The following ITGA9 variants were observed in gnomAD, a reference collection of about 807,000 sequenced individuals.
ITGA9 encodes the protein integrin subunit alpha 9, also known as integrin alpha-9.
ITGA9 carries 56 observed loss-of-function variants against 127.8 expected under a neutral mutation model. That is an observed-to-expected ratio of 0.44 (90% CI 0.35 to 0.55). The LOEUF (loss-of-function observed/expected upper bound fraction) is 0.55, where lower values mean the gene tolerates loss of function less well. ITGA9 is among the 20% of genes least tolerant of loss of function. The pLI, the probability that ITGA9 is intolerant of heterozygous loss-of-function variation, is 0.00. For missense variants in ITGA9, 1,196 were observed against 1,347.1 expected (o/e 0.89, Z 1.76); for synonymous variants, 508 against 514.5 (o/e 0.99, Z 0.17).
chr3:37,482,434 TTTTC>T (rs1698567040), intron 4 of ITGA9, among the ~76,000 whole-genome samples: 2 of 152,348 alleles, frequency 1.3e-5, no homozygotes, highest in African/African-American at 4.8e-5. Flanking sequence ...AACACGGTTA[TTTTC>T]TTCAGTTTGA....
chr3:37,623,132 C>G (rs1223778680), intron 15 of ITGA9, among the ~76,000 whole-genome samples: 2 of 151,708 alleles, frequency 1.3e-5, no homozygotes, highest in East Asian at 3.9e-4. Context: ...CACTGGTCGT[C>G]TTTTCTGCTG....
rs79298842 is a variant in ITGA9 at position 37,493,138 on chromosome 3, C to T, written c.545-1363C>T. 4.0e-3 allele frequency among the ~76,000 whole-genome samples: 604 copies of T among 152,286 alleles called. 4 individuals carry two copies. The highest frequency in any genetic ancestry group is 0.014 in the African/African-American group (565 of 41,556). On this transcript the variant is annotated intron_variant, in intron 4 of 27. Coordinates refer to ENST00000264741, the MANE Select transcript of ITGA9 (RefSeq NM_002207.3). ...TCAATTGACATTCTTTGTCATTTAGCAGTCAGTTAATGGCCACTTACTGGA... is the reference window on the plus strand; with the variant it reads ...TCAATTGACATTCTTTGTCATTTAGTAGTCAGTTAATGGCCACTTACTGGA...
At chr3:37,789,145 T>C (rs1185793079) in intron 26 of ITGA9, among the ~76,000 whole-genome samples, 1 of 152,190 alleles carries the variant, frequency 6.6e-6, no homozygotes, top group Non-Finnish European at 1.5e-5. Context: ...TCTCTTTCCC[T>C]AACAAGAAAA....
Position 37,629,609 on chromosome 3 carries a change from A to C in ITGA9, c.1839+273A>C, listed in dbSNP as rs1443233513. 2 of 607,398 alleles carry C rather than the reference A, an allele frequency of 3.3e-6. No homozygotes were observed. Among genetic ancestry groups the C allele is most frequent in the Admixed American group, 2.9e-5 (1 of 34,802 alleles). 37.6% of individuals were successfully genotyped at this position (607,398 alleles called of 1,614,324 possible). On this transcript the variant is annotated intron_variant, in intron 16 of 27. Coordinates refer to ENST00000264741, the MANE Select transcript of ITGA9 (RefSeq NM_002207.3). The surrounding 1 kb of genome is among the most constrained non-coding windows in gnomAD (Gnocchi z 4.5). ...CCTCGAGTTCGTGAACTGGCTGGCC[A>C]CTTGGTCCCTGAACTTGCCTCTGTT...
At chr3:37,527,585 A>G (rs116764468) in intron 13 of ITGA9, among the ~76,000 whole-genome samples, 81 of 152,222 alleles carry the variant, frequency 5.3e-4, no homozygotes, top group Admixed American at 1.6e-3. Flanking sequence ...TTTCTTTATC[A>G]GCGCTTCCTC....
In ITGA9 at chr3:37,569,008, A is replaced by T. The variant is rs553744383; in HGVS notation, c.1689+26423A>T. ...GTATTAGTCCGTTTTCACACTGCTG[A>T]TAAAGACAACAATACCCCACTCCTG... On this transcript the variant is annotated intron_variant, in intron 15 of 27. Transcript: ENST00000264741. Among the ~76,000 whole-genome samples, 5 of 152,342 alleles carry T rather than the reference A, an allele frequency of 3.3e-5. No homozygotes were observed. The South Asian group carries it at 6.2e-4, about 19-fold the overall frequency.
intron 17 of ITGA9, among the ~76,000 whole-genome samples, chr3:37,662,155 A>G (rs1700542588): frequency 6.6e-6 from 1 of 152,122 alleles, no homozygotes; most frequent in Admixed American, 6.5e-5. Flanking sequence ...TAATCCCAGC[A>G]CTTTGGGCGG....
chr3:37,804,007 T>C, intron 27 of ITGA9, 65 bp downstream of exon 27: 1 of 1,611,150 alleles, frequency 6.2e-7, no homozygotes, highest in South Asian at 1.1e-5. Flanking sequence ...CTCCTGCCTT[T>C]CCAGGGAAGA....
At chr3:37,642,857 A>T (rs532023486) in intron 16 of ITGA9, among the ~76,000 whole-genome samples, 9 of 152,326 alleles carry the variant, frequency 5.9e-5, no homozygotes, top group African/African-American at 2.2e-4. Context: ...ATGCATGCAT[A>T]TAGGAATATA....
intron 1 of ITGA9, among the ~76,000 whole-genome samples, chr3:37,460,131 T>A (rs892351911): frequency 2.6e-5 from 4 of 152,170 alleles, no homozygotes; most frequent in African/African-American, 9.7e-5. Context: ...TGAGTTCTAC[T>A]GGCTCCCACC....
chr3:37,686,190 G>C (rs1195566199), intron 18 of ITGA9, among the ~76,000 whole-genome samples: 1 of 152,098 alleles, frequency 6.6e-6, no homozygotes. Context: ...CCTCTTCACT[G>C]CATGAGGCAC....
At chr3:37,706,264 C>T (rs1701004594) in intron 18 of ITGA9, among the ~76,000 whole-genome samples, 1 of 152,198 alleles carries the variant, frequency 6.6e-6, no homozygotes, top group Admixed American at 6.5e-5. Context: ...TATCTTCTCC[C>T]TCTGGAATTC....
intron 18 of ITGA9, among the ~76,000 whole-genome samples, chr3:37,689,071 C>T (rs1183930196): frequency 6.5e-5 from 6 of 92,310 alleles, no homozygotes; most frequent in African/African-American, 1.7e-4. Flanking sequence ...GATGGGTGGG[C>T]GGGTAGGTGG....
chr3:37,468,988 T>C (rs1330711418), intron 1 of ITGA9, among the ~76,000 whole-genome samples: 2 of 152,234 alleles, frequency 1.3e-5, no homozygotes, highest in Non-Finnish European at 2.9e-5. Flanking sequence ...GCACAAACCG[T>C]GCCTGATTAG....
intron 15 of ITGA9, among the ~76,000 whole-genome samples, chr3:37,546,198 G>A (rs1407966618): frequency 6.6e-6 from 1 of 152,144 alleles, no homozygotes; most frequent in Admixed American, 6.5e-5. Flanking sequence ...ACACAACAGT[G>A]TCCTAGAATT....
At position 37,820,347 on chromosome 3, in the gene ITGA9, G is replaced by C. The variant is rs1286278387; in HGVS notation, c.*1358G>C. On this transcript the variant is annotated 3_prime_UTR_variant, in exon 28 of 28. Coordinates refer to ENST00000264741, the MANE Select transcript of ITGA9 (RefSeq NM_002207.3). ...CGTTTTATTCTCAATTCCTGCTGGC[G>C]TAATGGCTCCAGTAGCTCAGGACAG... is the stretch of plus-strand genomic sequence containing the variant. The C allele has an allele frequency of 6.6e-6, 1 of 152,262 alleles. No homozygotes were observed. Among genetic ancestry groups the C allele is most frequent in the Non-Finnish European group, 1.5e-5 (1 of 68,092 alleles). 9.4% of individuals were successfully genotyped at this position (152,262 alleles called of 1,614,324 possible).
chr3:37,706,598 C>T (rs1418632133), intron 18 of ITGA9, among the ~76,000 whole-genome samples: 2 of 152,152 alleles, frequency 1.3e-5, no homozygotes, highest in Non-Finnish European at 2.9e-5. Flanking sequence ...GCCCCAGCTC[C>T]AATCCCAGGT....
chr3:37,801,745 A>C lies in ITGA9; in HGVS notation c.2890-2078A>C, dbSNP rs538442677. ...ATTTGTCAAGGGCGGACTCTGTGCC[A>C]GATGCTATGCTGGGGACTCTGTGTG... is the stretch of plus-strand genomic sequence containing the variant. On this transcript the variant is annotated intron_variant, in intron 26 of 27. Transcript: ENST00000264741. Among the ~76,000 whole-genome samples, 5 of 152,346 alleles carry C rather than the reference A, an allele frequency of 3.3e-5. No homozygotes were observed. The East Asian group carries it at 9.6e-4, about 29-fold the overall frequency.
At chr3:37,711,828 A>T (rs148545358) in intron 18 of ITGA9, among the ~76,000 whole-genome samples, 1 of 152,344 alleles carries the variant, frequency 6.6e-6, no homozygotes, top group African/African-American at 2.4e-5. Flanking sequence ...CTGCAGCAGT[A>T]CCTGGCACCC....
Sources: allele counts gnomAD v4.1 joint callset (sites outside exome capture counted in the v4.1 genomes callset), GRCh38; gene constraint gnomAD v4.1.1; non-coding constraint Gnocchi (gnomAD v3.1); transcripts MANE v1.5; gene names NCBI Gene and HGNC (gene_info 2026-07-23, HGNC 2026-07-21).